The following KHDRBS3 variants were observed in gnomAD, a reference collection of about 807,000 sequenced individuals.
The protein encoded by KHDRBS3 is KH RNA binding domain containing, signal transduction associated 3.
In KHDRBS3, 23 loss-of-function variants were observed where a neutral mutation model predicts 45.6. That is an observed-to-expected ratio of 0.50 (90% confidence interval 0.36 to 0.72). The LOEUF (loss-of-function observed/expected upper bound fraction) is 0.72. Ranked by LOEUF, KHDRBS3 falls within the 30% of genes least tolerant of loss-of-function variation. The pLI is 0.00. For missense variants in KHDRBS3, 352 were observed against 424.8 expected, an observed-to-expected ratio of 0.83 and a Z score of 1.51; for synonymous variants, 162 against 156.5, an observed-to-expected ratio of 1.04 and a Z score of -0.26.
chr8:135,459,760 C>CT (rs1821334831), intron 1 of KHDRBS3, among the ~76,000 whole-genome samples: 1 of 152,202 alleles, frequency 6.6e-6, no homozygotes, highest in Admixed American at 6.6e-5. Context: ...TATTGTGTTG[C>CT]TAAAACGTCC....
intron 3 of KHDRBS3, among the ~76,000 whole-genome samples, chr8:135,546,534 A>C (rs1048292526): frequency 6.6e-6 from 1 of 152,172 alleles, no homozygotes; most frequent in African/African-American, 2.4e-5. Flanking sequence ...TGCCTGCATC[A>C]TTTATACTAT....
rs1175878209 is a variant in KHDRBS3 at position 135,467,929 on chromosome 8, T to A, written c.88+9975T>A. Among the ~76,000 whole-genome samples the A allele has an allele frequency of 2.0e-5, 3 of 152,210 alleles. No homozygotes were observed. The East Asian group carries it at 5.8e-4, about 29-fold the overall frequency. The stretch of plus-strand genomic sequence containing the variant: ...CTTACCTGAATTATTACTGTGATGG[T>A]TGTAAAATGGTAATTTTCCAACAGT... On this transcript the variant is annotated intron_variant, in intron 1 of 8. Coordinates refer to ENST00000355849, the MANE Select transcript of KHDRBS3 (RefSeq NM_006558.3).
chr8:135,492,438 T>C (rs1823201475), intron 1 of KHDRBS3, among the ~76,000 whole-genome samples: 1 of 151,806 alleles, frequency 6.6e-6, no homozygotes, highest in African/African-American at 2.4e-5. Flanking sequence ...AAAAAAGGAA[T>C]ATTGAGATAT....
At chr8:135,646,889 A>G in intron 8 of KHDRBS3, 104 bp from the exon 9 acceptor site, 1 of 652,134 alleles carries the variant, frequency 1.5e-6, no homozygotes, top group Non-Finnish European at 2.8e-6. Flanking sequence ...ATATATTTTC[A>G]ATATGACATG....
chr8:135,481,916 A>C (rs924538756), intron 1 of KHDRBS3, among the ~76,000 whole-genome samples: 2 of 152,182 alleles, frequency 1.3e-5, no homozygotes, highest in African/African-American at 4.8e-5. Context: ...ACCGTTTATG[A>C]GTGCTTGATA....
At chr8:135,582,194 G>T in intron 6 of KHDRBS3, 121 bp downstream of exon 6, 1 of 983,298 alleles carries the variant, frequency 1.0e-6, no homozygotes, top group Non-Finnish European at 1.4e-6. Context: ...ATTCTACTTT[G>T]TTTCAGCAAA....
intron 1 of KHDRBS3, among the ~76,000 whole-genome samples, chr8:135,511,659 C>T (rs927831862): frequency 7.9e-5 from 12 of 152,042 alleles, no homozygotes; most frequent in Admixed American, 3.3e-4. Context: ...GGGTTCACGC[C>T]ATTCTCCTGC....
chr8:135,625,877 G>A (rs1377800861), intron 7 of KHDRBS3: 5 of 771,780 alleles, frequency 6.5e-6, no homozygotes, highest in African/African-American at 1.7e-5. Context: ...ACAGCTGTTC[G>A]ATCTTTGTCA....
intron 4 of KHDRBS3, among the ~76,000 whole-genome samples, chr8:135,556,403 C>G (rs1252240151): frequency 6.6e-6 from 1 of 152,166 alleles, no homozygotes; most frequent in Non-Finnish European, 1.5e-5. Context: ...TCTGTTGTTT[C>G]CTGACTTTTT....
intron 5 of KHDRBS3, among the ~76,000 whole-genome samples, chr8:135,569,152 T>G (rs547898360): frequency 6.6e-6 from 1 of 152,214 alleles, no homozygotes; most frequent in African/African-American, 2.4e-5. Context: ...TTGGTTTCAT[T>G]AAAAAAAGAA....
chr8:135,557,526 C>G lies in KHDRBS3; in HGVS notation c.550C>G (p.Pro184Ala), dbSNP rs751628299. The G allele has an allele frequency of 6.2e-7, 1 of 1,610,144 alleles. No homozygotes were observed. The highest frequency in any genetic ancestry group is 1.7e-5 in the Admixed American group (1 of 60,002). Reference sequence around the variant, plus strand: ...TGGTGGTTCAGAAAATGCAGATGTTCCAGTGGTTCGAGGGAAACCCACCTT... The same window carrying G: ...TGGTGGTTCAGAAAATGCAGATGTTGCAGTGGTTCGAGGGAAACCCACCTT... ...LNGGSENADVPVVRGKPTLRT... is the reference protein window; with the variant it reads ...LNGGSENADVAVVRGKPTLRT... Residue 184 changes from proline to alanine, a missense_variant, in exon 5 of 9, where the codon CCA (proline) becomes GCA (alanine). Transcript: ENST00000355849.
intron 7 of KHDRBS3, among the ~76,000 whole-genome samples, chr8:135,644,232 T>A (rs534263419): frequency 6.6e-6 from 1 of 152,364 alleles, no homozygotes; most frequent in East Asian, 1.9e-4. Context: ...TTTTGCATCA[T>A]CTGCAAAATG....
intron 4 of KHDRBS3, among the ~76,000 whole-genome samples, chr8:135,553,855 T>G (rs901388444): frequency 3.3e-5 from 5 of 152,216 alleles, no homozygotes; most frequent in African/African-American, 1.2e-4. Flanking sequence ...AATGTTGTAA[T>G]AGTTTCACTT....
intron 1 of KHDRBS3, among the ~76,000 whole-genome samples, chr8:135,506,361 A>G (rs778877123): frequency 2.6e-5 from 4 of 151,708 alleles, no homozygotes; most frequent in Non-Finnish European, 5.9e-5. Flanking sequence ...TCCAAGTCCA[A>G]CCTTCCATCA....
At chr8:135,517,545 T>A (rs1461548883) in intron 1 of KHDRBS3, among the ~76,000 whole-genome samples, 1 of 152,050 alleles carries the variant, frequency 6.6e-6, no homozygotes, top group Admixed American at 6.5e-5. Flanking sequence ...TATTTCTGGA[T>A]TTCAAAAAAA....
chr8:135,563,927 A>G (rs1827282531), intron 5 of KHDRBS3, among the ~76,000 whole-genome samples: 1 of 152,210 alleles, frequency 6.6e-6, no homozygotes, highest in South Asian at 2.1e-4. Context: ...AAGAAGAAAC[A>G]TGAACAAAAG....
At chr8:135,533,602 G>A (rs1454374783) in intron 2 of KHDRBS3, among the ~76,000 whole-genome samples, 1 of 152,132 alleles carries the variant, frequency 6.6e-6, no homozygotes, top group Non-Finnish European at 1.5e-5. Flanking sequence ...ATAACCTATA[G>A]GTAGTATTTA....
At chr8:135,646,657 G>C (rs1330424396) in intron 8 of KHDRBS3, among the ~76,000 whole-genome samples, 2 of 152,120 alleles carry the variant, frequency 1.3e-5, no homozygotes, top group African/African-American at 2.4e-5. Context: ...ATGTCCTGAT[G>C]TTTAGCAAAA....
intron 5 of KHDRBS3, among the ~76,000 whole-genome samples, chr8:135,563,775 G>A (rs547751567): frequency 3.7e-4 from 57 of 152,258 alleles, no homozygotes; most frequent in Middle Eastern, 6.8e-3. Flanking sequence ...GTTGTGAGCC[G>A]TCCAGGATGC....
Sources: gnomAD v4.1 joint callset for allele counts (sites outside exome capture counted in the v4.1 genomes callset) on GRCh38, gnomAD v4.1.1 for gene constraint, MANE v1.5 for transcripts, NCBI Gene and HGNC (gene_info 2026-07-23, HGNC 2026-07-21) for gene names.